CAST: variants seen among roughly 807,000 people sequenced by gnomAD.
CAST encodes calpastatin, also known as MIR583 host.
In CAST, 76 loss-of-function variants were observed where a neutral mutation model predicts 119.6. That is an observed-to-expected ratio of 0.64 (90% CI 0.53 to 0.77). The LOEUF is 0.77. CAST is among the 30% of genes least tolerant of loss of function. The pLI is 0.00. For synonymous variants in CAST, 319 were observed against 331.6 expected, an observed-to-expected ratio of 0.96 and a Z score of 0.41; for missense variants, 953 against 946.5, an observed-to-expected ratio of 1.01 and a Z score of -0.09.
the CAST span, among the ~76,000 whole-genome samples, chr5:95,967,916 T>G: frequency 3.3e-5 from 5 of 152,344 alleles, no homozygotes; most frequent in African/African-American, 1.2e-4. Flanking sequence ...TCTGTGTAAC[T>G]CTGAGGTAGC....
In CAST at chr5:96,688,783, C is replaced by T. The variant is rs189025792; in HGVS notation, c.139-7053C>T. ...TTTAATCTTAAGTGTATTTATTAAA[C>T]CAGAAGAAAAAGAACAATAAGCAGC... is the stretch of plus-strand genomic sequence containing the variant. On this transcript the variant is annotated intron_variant, in intron 2 of 31. Coordinates refer to ENST00000675179, the MANE Select transcript of CAST (RefSeq NM_001750.7). Among the ~76,000 whole-genome samples, 4 of 151,832 alleles carry T rather than the reference C, an allele frequency of 2.6e-5. No individual in the cohort carries two copies. The East Asian group carries it at 7.7e-4, about 29-fold the overall frequency.
At position 96,682,379 on chromosome 5, in the gene CAST, T is replaced by A. The variant is rs1028601762; in HGVS notation, c.138+6778T>A. ...TTGGTTTTCGTTTTTGGTTTCTTTG[T>A]GTCCCCTTCTTATCCTCTCTTACCT... is the stretch of plus-strand genomic sequence containing the variant. On this transcript the variant is annotated intron_variant, in intron 2 of 31. Transcript: ENST00000675179. Among the ~76,000 whole-genome samples, 17 of 152,362 alleles carry A rather than the reference T, an allele frequency of 1.1e-4. No homozygotes were observed. In the East Asian group the frequency reaches 3.1e-3, roughly 28 times the overall value.
chr5:96,453,614 T>C, the CAST span, among the ~76,000 whole-genome samples: 1 of 152,222 alleles, frequency 6.6e-6, no homozygotes. Context: ...TATTGACCTA[T>C]TGACTGTGAC....
chr5:96,393,492 G>A, the CAST span: 1 of 1,234,128 alleles, frequency 8.1e-7, no homozygotes, highest in Non-Finnish European at 1.2e-6. Context: ...GCAATGAGGG[G>A]AGGGGAGAGA....
At position 96,641,582 on chromosome 5, in the gene CAST, C is replaced by T. The variant is rs534363143; in HGVS notation, c.61-33957C>T. Among the ~76,000 whole-genome samples, 57 of 152,296 alleles carry T rather than the reference C, an allele frequency of 3.7e-4. No individual in the cohort carries two copies. In the South Asian group the frequency reaches 6.6e-3, roughly 18 times the overall value. ...CAAGAGGATGGAGTTTAGACCCTTA[C>T]GACCTCACAGCCTCATCTACAGCCT... On this transcript the variant is annotated intron_variant, in intron 1 of 11. Coordinates refer to the CAST transcript ENST00000505143.
At chr5:96,001,299 G>A in the CAST span, among the ~76,000 whole-genome samples, 1 of 152,168 alleles carries the variant, frequency 6.6e-6, no homozygotes, top group African/African-American at 2.4e-5. Flanking sequence ...CATATTTTGT[G>A]CTAGTTATAT....
the CAST span, among the ~76,000 whole-genome samples, chr5:95,996,906 G>T: frequency 6.6e-6 from 1 of 151,958 alleles, no homozygotes; most frequent in Non-Finnish European, 1.5e-5. Context: ...TGTTAATCCA[G>T]TGCCTGGCAC....
the CAST span, among the ~76,000 whole-genome samples, chr5:96,078,627 A>C: frequency 6.6e-6 from 1 of 152,210 alleles, no homozygotes; most frequent in Non-Finnish European, 1.5e-5. Context: ...TTGAATTAAT[A>C]GGTATAGAAC....
chr5:96,399,989 T>C, the CAST span: 2 of 1,614,186 alleles, frequency 1.2e-6, no homozygotes, highest in South Asian at 1.1e-5. Flanking sequence ...AACACACTCT[T>C]TCTTCTCAGG....
intron 1 of CAST, among the ~76,000 whole-genome samples, chr5:96,544,866 T>C (rs4869144): frequency 0.61 from 92,441 of 150,624 alleles, 28,694 homozygotes; most frequent in East Asian, 0.86. Context: ...ACAAGAAACT[T>C]GCTTTAAATA....
chr5:96,673,732 AT>A, intron 1 of CAST, among the ~76,000 whole-genome samples: 1 of 152,338 alleles, frequency 6.6e-6, no homozygotes, highest in East Asian at 1.9e-4. Context: ...TTGCTCATCA[AT>A]TATTCTAATA....
At chr5:96,388,099 C>T in the CAST span, among the ~76,000 whole-genome samples, 1 of 152,268 alleles carries the variant, frequency 6.6e-6, no homozygotes, top group African/African-American at 2.4e-5. Flanking sequence ...GGCATTCCAG[C>T]CAAATTGACT....
chr5:96,086,411 C>A, the CAST span, among the ~76,000 whole-genome samples: 1 of 152,214 alleles, frequency 6.6e-6, no homozygotes, highest in African/African-American at 2.4e-5. Context: ...AGTATGTTTT[C>A]CTGTGGCAAA....
intron 3 of CAST, among the ~76,000 whole-genome samples, chr5:96,706,221 G>A (rs1264647639): frequency 1.3e-5 from 2 of 152,210 alleles, no homozygotes; most frequent in East Asian, 3.8e-4. Context: ...TACAAGTAGA[G>A]TTTTTGAAGT....
At chr5:96,661,196 T>C (rs1380262360), upstream of CAST, among the ~76,000 whole-genome samples, 2 of 148,758 alleles carry the variant, frequency 1.3e-5, no homozygotes, top group Non-Finnish European at 3.0e-5. Flanking sequence ...GGCAGATCAC[T>C]TGAGGTCAGG....
At chr5:96,204,766 G>A in the CAST span, among the ~76,000 whole-genome samples, 1 of 151,756 alleles carries the variant, frequency 6.6e-6, no homozygotes, top group Admixed American at 6.6e-5. Context: ...TTTCAGTTCA[G>A]GCTTCTCCTA....
the CAST span, among the ~76,000 whole-genome samples, chr5:96,289,907 AT>A: frequency 6.8e-6 from 1 of 147,704 alleles, no homozygotes. Flanking sequence ...CTACTATATA[AT>A]TTTGTTAAAA....
chr5:96,039,266 G>A, the CAST span, among the ~76,000 whole-genome samples: 1 of 152,018 alleles, frequency 6.6e-6, no homozygotes, highest in Non-Finnish European at 1.5e-5. Flanking sequence ...GTAGATTCTG[G>A]GTATTAGCCC....
At chr5:96,451,803 A>G in the CAST span, among the ~76,000 whole-genome samples, 1 of 152,214 alleles carries the variant, frequency 6.6e-6, no homozygotes, top group African/African-American at 2.4e-5. Flanking sequence ...ACAAGAAAAA[A>G]ACAACAACCC....
Sources: gnomAD v4.1 joint callset for allele counts (sites outside exome capture counted in the v4.1 genomes callset) on GRCh38, gnomAD v4.1.1 for gene constraint, MANE v1.5 for transcripts, NCBI Gene and HGNC (gene_info 2026-07-23, HGNC 2026-07-21) for gene names.